The following NBPF9 variants were observed in gnomAD, a reference collection of about 807,000 sequenced individuals.
NBPF9 encodes the protein NBPF family member NBPF9.
A neutral mutation model predicts 97.8 loss-of-function variants in NBPF9; 91 were observed. The observed-to-expected ratio is 0.93, with a 90% CI of 0.79 to 1.11. The LOEUF is 1.11. Ranked by LOEUF, NBPF9 falls within the 50% of genes least tolerant of loss-of-function variation. The pLI is 0.00. For missense variants in NBPF9, 992 were observed against 939.5 expected (o/e 1.06, Z -0.73); for synonymous variants, 334 against 359.5 (o/e 0.93, Z 0.80).
chr1:149,101,444 G>A (rs868986576), intron 2 of NBPF9, 65 bp from the exon 3 acceptor site: 83 of 150,754 alleles, frequency 5.5e-4, no homozygotes, highest in African/African-American at 1.7e-3. Context: ...CATTAAAAGA[G>A]CGAAAAGGCA....
At chr1:149,101,010 A>T (rs1424182107) in intron 3 of NBPF9, among the ~76,000 whole-genome samples, 1 of 151,822 alleles carries the variant, frequency 6.6e-6, no homozygotes, top group African/African-American at 2.4e-5. Flanking sequence ...TCATACTCCT[A>T]GGTTAGGCAT....
chr1:149,084,241 G>GTA (rs1286442376), intron 5 of NBPF9, among the ~76,000 whole-genome samples: 211 of 139,914 alleles, frequency 1.5e-3, no homozygotes, highest in African/African-American at 5.0e-3. Context: ...CATGGCACAC[G>GTA]TATATATATA....
chr1:149,062,042 C>T (rs1474248834), intron 22 of NBPF9, 51 bp downstream of exon 22: 9 of 762,996 alleles, frequency 1.2e-5, no homozygotes, highest in Admixed American at 5.9e-5. Flanking sequence ...AATATCACCT[C>T]TATCTGGAAG....
Position 149,062,721 on chromosome 1 carries a change from C to A in NBPF9, c.2078+141G>T, listed in dbSNP as rs1390174907. Reference sequence around the variant, plus strand: ...GAAATGGAAACCTAAACATCTACTGCAATGAAAACCAACAGCAATGGCAGT... The same window carrying A: ...GAAATGGAAACCTAAACATCTACTGAAATGAAAACCAACAGCAATGGCAGT... On this transcript the variant is annotated intron_variant, in intron 21 of 29. Transcript: ENST00000584027. 1.4e-5 allele frequency: 10 copies of A among 733,622 alleles called. No individual in the cohort carries two copies. The African/African-American group carries it at 1.5e-4, about 11-fold the overall frequency. The allele number at this position is 733,622 out of a possible 1,614,324, so 45.4% of individuals were successfully genotyped here.
rs370832852 is a variant in NBPF9 at position 149,055,869 on chromosome 1, C to T, written c.3123G>A (p.Glu1041=). ...CCAGTGAGTCCTGCAAGACTTCAGG[C>T]TCTTCCACTTCCATCAGCACGCCGT... is the stretch of plus-strand genomic sequence containing the variant. Residue 1041 remains glutamate (E), a synonymous_variant, in exon 30 of 30, where the codon GAG becomes GAA. Coordinates refer to ENST00000584027, the Ensembl canonical transcript of NBPF9. 5.8e-5 allele frequency: 93 copies of T among 1,610,376 alleles called. 1 individual carries two copies. In the African/African-American group the frequency reaches 8.3e-4, roughly 14 times the overall value.
At chr1:149,084,733 G>A (rs1403504907) in intron 5 of NBPF9, among the ~76,000 whole-genome samples, 1 of 151,332 alleles carries the variant, frequency 6.6e-6, no homozygotes. Context: ...CACGCCAGCT[G>A]AGGTTGGTGT....
intron 21 of NBPF9, among the ~76,000 whole-genome samples, chr1:149,062,504 C>A (rs1559519420): frequency 1.4e-5 from 2 of 143,924 alleles, no homozygotes; most frequent in African/African-American, 2.6e-5. Context: ...AGCGAATTGG[C>A]CGGGTGACAC....
exon 1 of NBPF9, chr1:149,103,517 G>C (rs1333665043): frequency 6.6e-6 from 1 of 152,298 alleles, no homozygotes; most frequent in Non-Finnish European, 1.5e-5. Context: ...ATAGCCTGCG[G>C]CCAGCTGGAT....
rs79979414 is a variant in NBPF9 at position 149,061,106 on chromosome 1, G to C, written c.2303+226C>G. 9.4e-4 allele frequency: 382 copies of C among 406,690 alleles called. 60 individuals carry two copies. Among genetic ancestry groups the C allele is most frequent in the East Asian group, 3.7e-3 (118 of 31,838 alleles). The allele number at this position is 406,690 out of a possible 1,614,324, so 25.2% of individuals were successfully genotyped here. A position where few individuals can be genotyped will look rare whatever the true frequency, so the allele number is the denominator to read the frequency against. The stretch of plus-strand genomic sequence containing the variant: ...TTTCCATGCAGTCGCCATGAGAATA[G>C]AGTTTTTGAAGTCTGGTCCACCTAC... On this transcript the variant is annotated intron_variant, in intron 23 of 29. Coordinates refer to ENST00000584027, the Ensembl canonical transcript of NBPF9.
intron 11 of NBPF9, among the ~76,000 whole-genome samples, chr1:149,076,247 A>G (rs373944149): frequency 1.3e-5 from 2 of 151,310 alleles, no homozygotes; most frequent in East Asian, 3.9e-4. Flanking sequence ...ACGCAGGCTG[A>G]AGTGCAGAGG....
intron 20 of NBPF9, among the ~76,000 whole-genome samples, chr1:149,063,163 C>A (rs2078751325): frequency 6.9e-6 from 1 of 144,084 alleles, no homozygotes; most frequent in Non-Finnish European, 1.5e-5. Flanking sequence ...CAAGTTTGTG[C>A]AAATGGTTAT....
chr1:149,084,439 TA>T (rs1249378010), intron 5 of NBPF9, among the ~76,000 whole-genome samples: 11 of 147,378 alleles, frequency 7.5e-5, no homozygotes, highest in South Asian at 4.2e-4. Flanking sequence ...TATATATATA[TA>T]TATTTTTCTT....
chr1:149,074,425 T>C (rs2079677284), intron 12 of NBPF9, among the ~76,000 whole-genome samples: 1 of 151,566 alleles, frequency 6.6e-6, no homozygotes, highest in East Asian at 1.9e-4. Flanking sequence ...GAAGGAAATA[T>C]GCCCAAATGC....
In NBPF9 at chr1:149,076,601, C is replaced by T. The variant is rs587651840; in HGVS notation, c.778+607G>A. ...CACTGCAAGCTCCGGTTCCTGGGTT[C>T]ATGCCATTCTCCTGCCTCAGCCTCC... On this transcript the variant is annotated intron_variant, in intron 11 of 29. Transcript: ENST00000584027. Among the ~76,000 whole-genome samples, 937 of 149,840 alleles carry T rather than the reference C, an allele frequency of 6.3e-3. 16 individuals are homozygous for T. The highest frequency in any genetic ancestry group is 0.028 in the Middle Eastern group (8 of 290).
intron 5 of NBPF9, among the ~76,000 whole-genome samples, chr1:149,087,884 G>A (rs2081143128): frequency 7.0e-6 from 1 of 141,908 alleles, no homozygotes; most frequent in Non-Finnish European, 1.5e-5. Flanking sequence ...CCAGGCTGGA[G>A]TGCAGTGATG....
At chr1:149,068,926 C>G (rs1306831218) in intron 17 of NBPF9, among the ~76,000 whole-genome samples, 1 of 151,756 alleles carries the variant, frequency 6.6e-6, no homozygotes, top group Non-Finnish European at 1.5e-5. Flanking sequence ...AACAAACTGT[C>G]AGACCACAGT....
intron 8 of NBPF9, among the ~76,000 whole-genome samples, 167 bp from the exon 9 acceptor site, chr1:149,079,388 T>C (rs879946136): frequency 1.3e-5 from 2 of 151,424 alleles, no homozygotes; most frequent in African/African-American, 4.9e-5. Flanking sequence ...AGAAAATGGT[T>C]TACAGGCTTC....
Position 149,087,318 on chromosome 1 carries a change from AATAT to A in NBPF9, c.-195+3431_-195+3434del, listed in dbSNP as rs61093688. 4.3e-3 allele frequency among the ~76,000 whole-genome samples: 625 copies of A among 146,472 alleles called. 1 individual carries two copies. The highest frequency in any genetic ancestry group is 0.014 in the Middle Eastern group (4 of 282). On this transcript the variant is annotated intron_variant, in intron 5 of 29. Coordinates refer to ENST00000584027, the Ensembl canonical transcript of NBPF9. ...GGAGATGATAATCTTCAAAACGGTG[AATAT>A]ATATATATATACACACACACACACA... is the stretch of plus-strand genomic sequence containing the variant.
chr1:149,060,297 G>A (rs1477710028), intron 24 of NBPF9: 1 of 377,528 alleles, frequency 2.6e-6, no homozygotes, highest in African/African-American at 2.8e-5. Flanking sequence ...ATAGGATCAG[G>A]GCGCCACAGG....
Sources: gnomAD v4.1 joint callset for allele counts (sites outside exome capture counted in the v4.1 genomes callset) on GRCh38, gnomAD v4.1.1 for gene constraint, MANE v1.5 for transcripts, NCBI Gene and HGNC (gene_info 2026-07-23, HGNC 2026-07-21) for gene names.